Variants in PAX3 observed in about 807,000 individuals in gnomAD.
PAX3 encodes paired box 3, also known as paired box protein Pax-3.
A neutral mutation model predicts 51.6 loss-of-function variants in PAX3; 14 were observed. The ratio of observed to expected loss-of-function variants is 0.27; its 90% CI spans 0.18 to 0.42. The LOEUF (loss-of-function observed/expected upper bound fraction) is 0.42. Ranked by LOEUF, PAX3 falls within the 10% of genes least tolerant of loss-of-function variation. The pLI is 1.00. For synonymous variants in PAX3, 280 were observed against 253.4 expected, an observed-to-expected ratio of 1.11 and a Z score of -1.00; for missense variants, 540 against 642.8, an observed-to-expected ratio of 0.84 and a Z score of 1.73.
In PAX3 at chr2:222,221,716, G is replaced by C. The variant is rs566012930; in HGVS notation, c.793-329C>G. 3.5e-5 allele frequency: 12 copies of C among 346,244 alleles called. No homozygotes were observed. The East Asian group carries it at 6.3e-4, about 18-fold the overall frequency. 21.4% of individuals were successfully genotyped at this position (346,244 alleles called of 1,614,324 possible). ...ACCCTCAACATCCACCCACCTACGTGTAGACAGCCTTCTGGGGAGGATACA... is the reference window on the plus strand; with the variant it reads ...ACCCTCAACATCCACCCACCTACGTCTAGACAGCCTTCTGGGGAGGATACA... On this transcript the variant is annotated intron_variant, in intron 5 of 8. Transcript: ENST00000392070.
rs765090975 is a variant in PAX3, at chr2:222,278,936, TTTG to T, written c.586+15228_586+15230del. 6.6e-5 allele frequency among the ~76,000 whole-genome samples: 10 copies of T among 152,276 alleles called. No individual in the cohort carries two copies. In the South Asian group the frequency reaches 1.2e-3, roughly 19 times the overall value. ...CTTAACCAGTTGAGTTTCTTTTGTT[TTTG>T]TTGTTGTTGTTGCTTGTCTGTTTGT... On this transcript the variant is annotated intron_variant, in intron 4 of 8. Coordinates refer to ENST00000392070, the MANE Select transcript of PAX3 (RefSeq NM_181458.4).
At chr2:222,204,167 A>G (rs1574623050) in intron 7 of PAX3, among the ~76,000 whole-genome samples, 1 of 152,334 alleles carries the variant, frequency 6.6e-6, no homozygotes, top group East Asian at 1.9e-4. Flanking sequence ...ATTTGGAGAA[A>G]GTGAAAGTCA....
intron 4 of PAX3, among the ~76,000 whole-genome samples, chr2:222,256,553 G>GGCCCCA (rs1693653907): frequency 2.0e-5 from 3 of 151,760 alleles, no homozygotes; most frequent in Admixed American, 2.0e-4. Context: ...CCAGAGACTC[G>GGCCCCA]GAAACTGCTC....
intron 1 of PAX3, among the ~76,000 whole-genome samples, chr2:222,297,699 A>G (rs1347206082): frequency 1.3e-5 from 2 of 152,248 alleles, no homozygotes; most frequent in Non-Finnish European, 2.9e-5. Context: ...GCCAAGGGTC[A>G]AAGAGGGTCC....
chr2:222,295,134 C>T (rs1307366615), intron 3 of PAX3, among the ~76,000 whole-genome samples: 1 of 152,162 alleles, frequency 6.6e-6, no homozygotes, highest in East Asian at 1.9e-4. Flanking sequence ...TGGAAGCCTC[C>T]ACGGCTTTGC....
chr2:222,272,898 G>A (rs564479258), intron 4 of PAX3, among the ~76,000 whole-genome samples: 1 of 152,114 alleles, frequency 6.6e-6, no homozygotes, highest in Non-Finnish European at 1.5e-5. Context: ...ACACAGTCAG[G>A]GGACCCAGGC....
chr2:222,230,966 A>AT (rs1172204473), intron 5 of PAX3, among the ~76,000 whole-genome samples: 3 of 148,926 alleles, frequency 2.0e-5, no homozygotes, highest in South Asian at 2.1e-4. Flanking sequence ...TTGTATGTTT[A>AT]TTTTTTTACC....
At chr2:222,275,917 TG>T (rs1183740048) in intron 4 of PAX3, among the ~76,000 whole-genome samples, 2 of 152,242 alleles carry the variant, frequency 1.3e-5, no homozygotes, top group African/African-American at 2.4e-5. Context: ...AGCAAACTCT[TG>T]TTTGCCCCAA....
At chr2:222,241,724 T>C in intron 4 of PAX3, among the ~76,000 whole-genome samples, 1 of 152,216 alleles carries the variant, frequency 6.6e-6, no homozygotes, top group East Asian at 1.9e-4. Context: ...TATTACTTAC[T>C]AAAAATGTGA....
chr2:222,285,144 A>C (rs949534997), intron 4 of PAX3, among the ~76,000 whole-genome samples: 6 of 152,236 alleles, frequency 3.9e-5, no homozygotes, highest in African/African-American at 1.4e-4. Flanking sequence ...GAATTGGACC[A>C]ATTAATTTTC....
Position 222,201,832 on chromosome 2 carries a change from A to AAT in PAX3, c.1420+111_1420+112insAT. The AAT allele has an allele frequency of 7.6e-6, 12 of 1,584,152 alleles. No individual in the cohort carries two copies. In the South Asian group the frequency reaches 9.4e-5, roughly 12 times the overall value. On this transcript the variant is annotated intron_variant, in intron 8 of 8. Transcript: ENST00000392070. Reference sequence around the variant, plus strand: ...GCTGGCTTTGCAAAAAAAAAAAAAAATTGATACCGGCATGTGTGGCTTAAT... The same window carrying AAT: ...GCTGGCTTTGCAAAAAAAAAAAAAAAATTTGATACCGGCATGTGTGGCTTAAT...
intron 3 of PAX3, among the ~76,000 whole-genome samples, chr2:222,294,579 T>C (rs1347374959): frequency 1.3e-5 from 2 of 152,082 alleles, no homozygotes; most frequent in African/African-American, 4.8e-5. Context: ...ATGCCATCTT[T>C]GTCCCTCGAT....
At chr2:222,293,584 C>A in intron 4 of PAX3, 1 of 1,582,524 alleles carries the variant, frequency 6.3e-7, no homozygotes, top group Non-Finnish European at 8.7e-7. Flanking sequence ...CAGGCACACA[C>A]AGGTTAAACC....
intron 1 of PAX3, 71 bp downstream of exon 1, chr2:222,298,460 G>A: frequency 1.5e-6 from 2 of 1,301,370 alleles, no homozygotes; most frequent in South Asian, 1.3e-5. Context: ...AGCCTGCGGA[G>A]CCTGGGGATG....
chr2:222,260,346 C>A (rs1226386740), intron 4 of PAX3, among the ~76,000 whole-genome samples: 4 of 152,030 alleles, frequency 2.6e-5, no homozygotes, highest in African/African-American at 9.7e-5. Context: ...CCAGCCTGGG[C>A]AACAGAGCAA....
chr2:222,233,336 A>G (rs1056445196), intron 4 of PAX3, among the ~76,000 whole-genome samples: 1 of 152,166 alleles, frequency 6.6e-6, no homozygotes, highest in African/African-American at 2.4e-5. Flanking sequence ...CAGGGGCAAG[A>G]GAAGCGGGAA....
At chr2:222,220,762 G>A (rs941767176) in intron 6 of PAX3, among the ~76,000 whole-genome samples, 1 of 152,152 alleles carries the variant, frequency 6.6e-6, no homozygotes, top group Admixed American at 6.5e-5. Context: ...CAAATGCCTG[G>A]AATGTTCTTT....
intron 4 of PAX3, among the ~76,000 whole-genome samples, chr2:222,277,218 G>A (rs79661705): frequency 6.6e-6 from 1 of 152,134 alleles, no homozygotes; most frequent in East Asian, 1.9e-4. Flanking sequence ...ATGTTTTTAG[G>A]TGATCTGTCA....
chr2:222,226,720 T>G (rs918755717), intron 5 of PAX3, among the ~76,000 whole-genome samples: 2 of 150,462 alleles, frequency 1.3e-5, no homozygotes, highest in Non-Finnish European at 3.0e-5. Flanking sequence ...TGAGAAATTA[T>G]GCATTTGGGT....
Sources: allele counts gnomAD v4.1 joint callset (sites outside exome capture counted in the v4.1 genomes callset), GRCh38; gene constraint gnomAD v4.1.1; transcripts MANE v1.5; gene names NCBI Gene and HGNC (gene_info 2026-07-23, HGNC 2026-07-21).